The following PLCH2 variants were observed in gnomAD, a reference collection of about 807,000 sequenced individuals.
PLCH2 encodes phospholipase C eta 2.
A neutral mutation model predicts 134.7 loss-of-function variants in PLCH2; 98 were observed. The ratio of observed to expected loss-of-function variants is 0.73; its 90% CI spans 0.62 to 0.86. The LOEUF is 0.86. Among genes scored for constraint, PLCH2 ranks in the 40% least tolerant of loss-of-function variants. The pLI is 0.00. For synonymous variants in PLCH2, 974 were observed against 827.5 expected (o/e 1.18, Z -3.04); for missense variants, 1,994 against 1,986.6 (o/e 1.00, Z -0.07).
chr1:2,504,545 CCA>C lies in PLCH2; in HGVS notation c.3585_3586del (p.Pro1196CysfsTer21). ...GGCTTCGGCTGCCCGCCCAGACCTG[CCA>C]CCTGTGACCAAGAGCAAATCCAACC... ...HSASAARPDL[P>X]PVTKSKSNPN... On this transcript the variant is annotated frameshift_variant, in exon 22 of 22. Transcript: ENST00000378486. LOFTEE classifies it high-confidence loss of function. 6.2e-7 allele frequency: 1 copy of C among 1,612,654 alleles called. No individual in the cohort carries two copies. The highest frequency in any genetic ancestry group is 8.5e-7 in the Non-Finnish European group (1 of 1,179,786).
At position 2,498,221 on chromosome 1, in the gene PLCH2, AGACCCC is replaced by A; in HGVS notation, c.2225-301_2225-296del. On this transcript the variant is annotated intron_variant, in intron 16 of 21. Transcript: ENST00000378486. The surrounding 1 kb of genome is among the most constrained non-coding windows in gnomAD (Gnocchi z 5.4). The stretch of plus-strand genomic sequence containing the variant: ...TGGGCCCTGGGGACACTGTCACCAG[AGACCCC>A]ACCCCTCATACCCCCAGGGACCCAG... The A allele has an allele frequency of 4.9e-6, 2 of 404,830 alleles. No individual in the cohort carries two copies. Among genetic ancestry groups the A allele is most frequent in the Admixed American group, 4.1e-5 (1 of 24,338 alleles). 25.1% of individuals were successfully genotyped at this position (404,830 alleles called of 1,614,324 possible). A position where few individuals can be genotyped will look rare whatever the true frequency, so the allele number is the denominator to read the frequency against.
Position 2,439,620 on chromosome 1 carries a change from G to A in PLCH2, c.115+8991G>A, listed in dbSNP as rs1639596340. Among the ~76,000 whole-genome samples the A allele has an allele frequency of 6.6e-6, 1 of 152,202 alleles. No individual in the cohort carries two copies. The highest frequency in any genetic ancestry group is 2.4e-5 in the African/African-American group (1 of 41,454). ...TGCAGTGCTCAGCTGTGCCTCTCCG[G>A]GCTGTCTGTCCTCCATGGTGACCTC... is the stretch of plus-strand genomic sequence containing the variant. On this transcript the variant is annotated intron_variant, in intron 2 of 3. Transcript: ENST00000609981. This position sits in a 1 kb window ranked among gnomAD's most constrained non-coding sequence, Gnocchi z 4.7.
chr1:2,502,942 G>A (rs962022377), intron 21 of PLCH2: 24 of 717,054 alleles, frequency 3.3e-5, no homozygotes, highest in East Asian at 5.4e-5. Flanking sequence ...TGGTCCTCCC[G>A]CACGCCCCTG....
rs560294642 is a variant in PLCH2, at chr1:2,504,766, C to T, written c.3804C>T (p.Ser1268=). ...GDLTADDFAP[S]FEGGSRRLSH... is the part of the protein sequence containing the mutation. ...TCACTGCTGATGACTTTGCCCCTAG[C>T]TTTGAGGGCGGCTCCCGCAGACTGA... Residue 1268 remains serine, a synonymous_variant, in exon 22 of 22, where the codon AGC becomes AGT. Coordinates refer to ENST00000378486, the MANE Select transcript of PLCH2 (RefSeq NM_014638.4). The T allele has an allele frequency of 2.4e-5, 39 of 1,612,444 alleles. No individual in the cohort carries two copies. The Middle Eastern group carries it at 8.2e-4, about 34-fold the overall frequency.
chr1:2,504,254 G>A lies in PLCH2; in HGVS notation c.3292G>A (p.Gly1098Arg). Residue 1098 changes from glycine (G) to arginine (R), a missense_variant, in exon 22 of 22, where the codon GGG (glycine) becomes AGG (arginine). Around this residue, in one of 2 missense-constraint regions of PLCH2, gnomAD observed 900 missense variants for 752.3 expected, o/e 1.20. Transcript: ENST00000378486. ...CGTGATTAGAAGGGTGAAGAGTGAG[G>A]GGCAGGTGCCCACGGAGCCCCTGGG... is the stretch of plus-strand genomic sequence containing the variant. ...LPVIRRVKSE[G>R]QVPTEPLGGW... The A allele has an allele frequency of 2.5e-6, 4 of 1,589,738 alleles. No individual in the cohort carries two copies. The highest frequency in any genetic ancestry group is 3.4e-6 in the Non-Finnish European group (4 of 1,169,752).
upstream of PLCH2, among the ~76,000 whole-genome samples, chr1:2,423,473 G>T (rs1359576585): frequency 6.6e-6 from 1 of 152,182 alleles, no homozygotes; most frequent in Non-Finnish European, 1.5e-5. Flanking sequence ...AGGGTTTGCA[G>T]CAGAGAAAGC....
At chr1:2,418,911 G>A in the PLCH2 span, among the ~76,000 whole-genome samples, 11 of 152,318 alleles carry the variant, frequency 7.2e-5, no homozygotes, top group East Asian at 5.8e-4. Context: ...AAATGCTGGC[G>A]CAAAACCTGG....
At chr1:2,475,732 C>T (rs1378150699), upstream of PLCH2, among the ~76,000 whole-genome samples, 2 of 152,186 alleles carry the variant, frequency 1.3e-5, no homozygotes, top group Non-Finnish European at 2.9e-5. Context: ...AAAGGTCAGG[C>T]TGGGGCTGCA....
chr1:2,479,712 G>A (rs1159477920), intron 2 of PLCH2, 22 bp from the exon 3 acceptor site: 1 of 1,524,662 alleles, frequency 6.6e-7, no homozygotes, highest in Non-Finnish European at 8.9e-7. Flanking sequence ...GACCTGACCC[G>A]TGCTCCCTCC....
At chr1:2,426,767 G>A (rs1158146688) in intron 1 of PLCH2, among the ~76,000 whole-genome samples, 2 of 152,210 alleles carry the variant, frequency 1.3e-5, no homozygotes, top group Non-Finnish European at 2.9e-5. Context: ...TGTGGGGTCG[G>A]GGCTGCTGGG....
chr1:2,475,435 C>T (rs1337310920), upstream of PLCH2, among the ~76,000 whole-genome samples: 1 of 152,210 alleles, frequency 6.6e-6, no homozygotes, highest in African/African-American at 2.4e-5. Flanking sequence ...GGTCTGCCCA[C>T]CTCCCATTCC....
Position 2,478,635 on chromosome 1 carries a change from C to G in PLCH2, c.271+13C>G. 1 of 1,600,844 alleles carries G rather than the reference C, an allele frequency of 6.2e-7. No homozygotes were observed. The highest frequency in any genetic ancestry group is 8.5e-7 in the Non-Finnish European group (1 of 1,174,470). On this transcript the variant is annotated intron_variant, in intron 2 of 21. Coordinates refer to ENST00000378486, the MANE Select transcript of PLCH2 (RefSeq NM_014638.4). ...GAGAAGGCCAAGAGTGAGTGGGAGCCCTGGGGTGGGGACAAATCAGAGTCC... is the reference window on the plus strand; with the variant it reads ...GAGAAGGCCAAGAGTGAGTGGGAGCGCTGGGGTGGGGACAAATCAGAGTCC...
Position 2,504,421 on chromosome 1 carries a change from C to A in PLCH2, c.3459C>A (p.Asp1153Glu), listed in dbSNP as rs1643419272. 1.9e-6 allele frequency: 3 copies of A among 1,612,524 alleles called. No homozygotes were observed. The highest frequency in any genetic ancestry group is 2.5e-6 in the Non-Finnish European group (3 of 1,179,788). Residue 1153 changes from aspartate (D) to glutamate (E), a missense_variant, in exon 22 of 22, where the codon GAC becomes GAA. Physicochemically the swap from Asp to Glu is conservative, Grantham distance 45. Transcript: ENST00000378486. ...VSSSSSMSSSDTVIDLSLPSL... is the reference protein window; with the variant it reads ...VSSSSSMSSSETVIDLSLPSL... ...CCTCCTCCAGCATGTCATCCAGCGA[C>A]ACTGTCATTGACCTCTCCCTGCCCA... is the stretch of plus-strand genomic sequence containing the variant.
intron 2 of PLCH2, among the ~76,000 whole-genome samples, chr1:2,452,957 C>A (rs1640316404): frequency 6.6e-6 from 1 of 152,224 alleles, no homozygotes; most frequent in African/African-American, 2.4e-5. Context: ...TCCCGGCTCA[C>A]CCCACCCCTT....
At position 2,491,965 on chromosome 1, in the gene PLCH2, G is replaced by A. The variant is rs1455608585; in HGVS notation, c.1659+630G>A. On this transcript the variant is annotated intron_variant, in intron 11 of 21. Transcript: ENST00000378486. ...CCGGCAGATCCCGCAGTCCTGCTGC[G>A]GGTGGGGCAGAGTGGGGAGCGTGGG... 5.9e-5 allele frequency among the ~76,000 whole-genome samples: 9 copies of A among 152,034 alleles called. No individual in the cohort carries two copies. In the East Asian group the frequency reaches 1.4e-3, roughly 23 times the overall value.
At chr1:2,452,319 G>T (rs1027426078) in intron 2 of PLCH2, among the ~76,000 whole-genome samples, 3 of 152,210 alleles carry the variant, frequency 2.0e-5, no homozygotes, top group Admixed American at 6.5e-5. Flanking sequence ...TGCCTGGCAG[G>T]TAGCAGCCCC....
chr1:2,450,802 A>G lies in PLCH2; in HGVS notation c.115+20173A>G, dbSNP rs76329261. ...CCTTGGACCAGGCGCGTTCAAGGCC[A>G]AGCACGTGGGACCCCAGCCTGGGCT... On this transcript the variant is annotated intron_variant, in intron 2 of 3. Transcript: ENST00000609981. Among the ~76,000 whole-genome samples, 601 of 139,858 alleles carry G rather than the reference A, an allele frequency of 4.3e-3. 3 individuals carry two copies. The highest frequency in any genetic ancestry group is 0.015 in the African/African-American group (564 of 36,908). The allele number at this position is 139,858 out of a possible 152,430, so 91.8% of individuals were successfully genotyped here.
intron 2 of PLCH2, among the ~76,000 whole-genome samples, chr1:2,433,559 C>A (rs1241185793): frequency 6.6e-6 from 1 of 152,192 alleles, no homozygotes; most frequent in African/African-American, 2.4e-5. Flanking sequence ...AACGGTGTGT[C>A]CGCACAGCAG....
rs979790241 is a variant in PLCH2, at chr1:2,498,988, T to G, written c.2435-96T>G. The G allele has an allele frequency of 3.3e-5, 48 of 1,455,008 alleles. No individual in the cohort carries two copies. Among genetic ancestry groups the G allele is most frequent in the Non-Finnish European group, 4.1e-5 (44 of 1,067,740 alleles). The allele number at this position is 1,455,008 out of a possible 1,614,324, so 90.1% of individuals were successfully genotyped here. A position where few individuals can be genotyped will look rare whatever the true frequency, so the allele number is the denominator to read the frequency against. Reference sequence around the variant, plus strand: ...GCAGTCCCGGAAGCAGCACCGGGAGTGGCACTGGGAGTGGTGTGGGCCGGG... The same window carrying G: ...GCAGTCCCGGAAGCAGCACCGGGAGGGGCACTGGGAGTGGTGTGGGCCGGG... On this transcript the variant is annotated intron_variant, in intron 18 of 21. Coordinates refer to ENST00000378486, the MANE Select transcript of PLCH2 (RefSeq NM_014638.4). This position sits in a 1 kb window ranked among gnomAD's most constrained non-coding sequence, Gnocchi z 5.4.
Sources: gnomAD v4.1 joint callset for allele counts (sites outside exome capture counted in the v4.1 genomes callset) on GRCh38, gnomAD v4.1.1 for gene constraint, gnomAD v4.1.1 regional missense constraint, Gnocchi (gnomAD v3.1) non-coding constraint, MANE v1.5 for transcripts, NCBI Gene and HGNC (gene_info 2026-07-23, HGNC 2026-07-21) for gene names.